QTMAN: variants seen among roughly 807,000 people sequenced by gnomAD.
The protein encoded by QTMAN is queuosine-tRNA mannosyltransferase, also known as tRNA-queuosine alpha-mannosyltransferase.
chr2:144,051,636 TGAG>T, the QTMAN span, among the ~76,000 whole-genome samples: 1 of 152,150 alleles, frequency 6.6e-6, no homozygotes, highest in Non-Finnish European at 1.5e-5. Flanking sequence ...ATCCAGTTGA[TGAG>T]ATTAAAAATA....
chr2:144,022,955 A>C, the QTMAN span, among the ~76,000 whole-genome samples: 1 of 152,138 alleles, frequency 6.6e-6, no homozygotes, highest in South Asian at 2.1e-4. Context: ...TCCTTCAAAA[A>C]ATATGCATTT....
chr2:143,979,247 G>T, the QTMAN span, among the ~76,000 whole-genome samples: 1 of 151,572 alleles, frequency 6.6e-6, no homozygotes, highest in East Asian at 1.9e-4. Flanking sequence ...GAGAGTAATA[G>T]AATTTATACA....
the QTMAN span, among the ~76,000 whole-genome samples, chr2:144,184,590 T>G: frequency 6.6e-6 from 1 of 152,202 alleles, no homozygotes; most frequent in Non-Finnish European, 1.5e-5. Flanking sequence ...AGGAAGTATT[T>G]CTTTTCCTTT....
chr2:144,244,260 G>A, the QTMAN span, among the ~76,000 whole-genome samples: 1 of 152,198 alleles, frequency 6.6e-6, no homozygotes, highest in Non-Finnish European at 1.5e-5. Flanking sequence ...CGTGTTTCAT[G>A]TACAACAACA....
the QTMAN span, among the ~76,000 whole-genome samples, chr2:144,172,540 C>T: frequency 6.9e-6 from 1 of 145,478 alleles, no homozygotes; most frequent in Non-Finnish European, 1.5e-5. Context: ...AAGAGAATTG[C>T]TTTAACCTGG....
the QTMAN span, among the ~76,000 whole-genome samples, chr2:143,996,177 T>C: frequency 6.6e-6 from 1 of 152,092 alleles, no homozygotes. Flanking sequence ...CTCTTCCACA[T>C]AGCTGTTTAA....
At chr2:143,982,659 G>C in the QTMAN span, among the ~76,000 whole-genome samples, 1 of 151,284 alleles carries the variant, frequency 6.6e-6, no homozygotes, top group Admixed American at 6.6e-5. Flanking sequence ...TCACGAGTTC[G>C]AGAGCAGCCT....
At chr2:144,142,094 A>T in the QTMAN span, 1 of 1,452,732 alleles carries the variant, frequency 6.9e-7, no homozygotes, top group Non-Finnish European at 9.6e-7. Flanking sequence ...ATGAGCCCAG[A>T]CTCATTCAGA....
chr2:144,239,920 C>G, the QTMAN span, among the ~76,000 whole-genome samples: 17 of 152,306 alleles, frequency 1.1e-4, no homozygotes, highest in East Asian at 3.3e-3. Flanking sequence ...CATTAGATCT[C>G]TGTAAACCTA....
chr2:144,124,018 T>C, the QTMAN span, among the ~76,000 whole-genome samples: 2 of 152,116 alleles, frequency 1.3e-5, no homozygotes, highest in African/African-American at 4.8e-5. Context: ...ACTTGGATCC[T>C]ATCAAAAGGA....
chr2:144,112,868 C>A, the QTMAN span, among the ~76,000 whole-genome samples: 1 of 152,110 alleles, frequency 6.6e-6, no homozygotes, highest in Non-Finnish European at 1.5e-5. Context: ...AAGGAGCCAA[C>A]CCCTTGACTC....
At chr2:143,970,858 C>T in the QTMAN span, 2 of 704,610 alleles carry the variant, frequency 2.8e-6, no homozygotes. Flanking sequence ...TTTTCATGGT[C>T]TACTGCTGGT....
the QTMAN span, among the ~76,000 whole-genome samples, chr2:143,974,779 G>A: frequency 3.3e-5 from 5 of 151,740 alleles, no homozygotes; most frequent in Admixed American, 3.3e-4. Context: ...ATGCTTTTAA[G>A]AAATTATCCA....
chr2:143,941,668 C>G, the QTMAN span: 2 of 146,138 alleles, frequency 1.4e-5, no homozygotes, highest in East Asian at 4.0e-4. Context: ...GAGCCAGACT[C>G]TCTCTCTCAA....
chr2:144,213,346 G>T, the QTMAN span, among the ~76,000 whole-genome samples: 4 of 152,088 alleles, frequency 2.6e-5, no homozygotes, highest in South Asian at 8.3e-4. Context: ...TAACAGTATA[G>T]ATATTAAAAA....
chr2:143,972,009 T>C, the QTMAN span, among the ~76,000 whole-genome samples: 14 of 152,298 alleles, frequency 9.2e-5, no homozygotes, highest in East Asian at 1.9e-4. Context: ...TAGAGTTCTA[T>C]AGCCATTTAA....
At chr2:144,195,793 C>T in the QTMAN span, among the ~76,000 whole-genome samples, 1 of 152,096 alleles carries the variant, frequency 6.6e-6, no homozygotes, top group Non-Finnish European at 1.5e-5. Context: ...TCAAAAAAGA[C>T]TGCAAATAAA....
chr2:144,291,552 C>A, the QTMAN span, among the ~76,000 whole-genome samples: 3 of 152,184 alleles, frequency 2.0e-5, no homozygotes, highest in Non-Finnish European at 4.4e-5. Context: ...ATAGCTCACC[C>A]TTTAACTCTT....
At chr2:144,050,642 T>C in the QTMAN span, among the ~76,000 whole-genome samples, 2 of 152,220 alleles carry the variant, frequency 1.3e-5, no homozygotes, top group Non-Finnish European at 2.9e-5. Flanking sequence ...TCCTTCATTC[T>C]TGTTTTAAAT....
Sources: allele counts gnomAD v4.1 joint callset (sites outside exome capture counted in the v4.1 genomes callset), GRCh38; gene constraint gnomAD v4.1.1; transcripts MANE v1.5; gene names NCBI Gene and HGNC (gene_info 2026-07-23, HGNC 2026-07-21).